The following GPC2 variants were observed in gnomAD, a reference collection of about 807,000 sequenced individuals.
The protein encoded by GPC2 is glypican-2.
In GPC2, 42 loss-of-function variants were observed where a neutral mutation model predicts 57.3. That is an observed-to-expected ratio of 0.73 (90% CI 0.57 to 0.95). The LOEUF (loss-of-function observed/expected upper bound fraction) is 0.95, where lower values mean the gene tolerates loss of function less well. GPC2 is among the 40% of genes least tolerant of loss of function. The probability of loss-of-function intolerance (pLI) is 0.00; values close to 1 mark genes in which losing one functional copy is unlikely to be tolerated. For synonymous variants in GPC2, 364 were observed against 343.4 expected (o/e 1.06, Z -0.66); for missense variants, 745 against 793.6 (o/e 0.94, Z 0.74).
In GPC2 at chr7:100,171,317, G is replaced by A; in HGVS notation, c.1430C>T (p.Ala477Val). 4 of 1,543,474 alleles carry A rather than the reference G, an allele frequency of 2.6e-6. No individual in the cohort carries two copies. The highest frequency in any genetic ancestry group is 3.5e-6 in the Non-Finnish European group (4 of 1,143,836). Reference sequence around the variant, plus strand: ...TGCGGCCGTTTTCATTCTGGCCGTGGCCGCCCGGAGCTGTAGCCGACGCCG... The same window carrying A: ...TGCGGCCGTTTTCATTCTGGCCGTGACCGCCCGGAGCTGTAGCCGACGCCG... ...TRRRRLQLRAATARMKTAALG... is the reference protein window; with the variant it reads ...TRRRRLQLRAVTARMKTAALG... The change falls in exon 9 of 10, where the codon GCC becomes GTC. Residue 477 changes from alanine to valine, a missense_variant. This residue lies in a region of GPC2 where 607 missense variants were observed against 603.9 expected (regional missense o/e 1.01). Transcript: ENST00000292377. This position sits in a 1 kb window ranked among gnomAD's most constrained non-coding sequence, Gnocchi z 4.8.
rs1328203209 is a variant in GPC2 at position 100,171,878 on chromosome 7, A to G, written c.1071T>C (p.Arg357=). 3 of 1,527,974 alleles carry G rather than the reference A, an allele frequency of 2.0e-6. No homozygotes were observed. Among genetic ancestry groups the G allele is most frequent in the Non-Finnish European group, 1.7e-6 (2 of 1,144,796 alleles). 94.7% of individuals were successfully genotyped at this position (1,527,974 alleles called of 1,614,324 possible). A position where few individuals can be genotyped will look rare whatever the true frequency, so the allele number is the denominator to read the frequency against. ...CCTCTTCCCGGGGCGGCGGGGCTCG[A>G]CGGTTGCGGGCAGGCACCGGGTCGG... ...GPPDPVPARN[R]RAPPPREEAG... Residue 357 remains arginine, a synonymous_variant, in exon 7 of 10, where the codon CGT becomes CGC. Transcript: ENST00000292377. This position sits in a 1 kb window ranked among gnomAD's most constrained non-coding sequence, Gnocchi z 4.8.
Position 100,170,423 on chromosome 7 carries a change from G to T in GPC2, c.1547C>A (p.Ala516Asp), listed in dbSNP as rs764726084. Residue 516 changes from alanine to aspartate, a missense_variant, in exon 10 of 10, where the codon GCT becomes GAT. Transcript: ENST00000292377. The part of the protein sequence containing the change: ...QQYADDWMAG[A>D]VAPPARPPRP... ...AGGAGGCCGGGCTGGGGGAGCCACAGCCCCAGCCATCCAGTCATCTGCATA... is the reference window on the plus strand; with the variant it reads ...AGGAGGCCGGGCTGGGGGAGCCACATCCCCAGCCATCCAGTCATCTGCATA... 6.2e-7 allele frequency: 1 copy of T among 1,608,186 alleles called. No individual in the cohort carries two copies. Among genetic ancestry groups the T allele is most frequent in the Non-Finnish European group, 8.5e-7 (1 of 1,176,810 alleles).
rs746323875 is a variant in GPC2 at position 100,171,824 on chromosome 7, C to T, written c.1125G>A (p.Glu375=). 1.3e-5 allele frequency: 21 copies of T among 1,574,646 alleles called. No homozygotes were observed. Among genetic ancestry groups the T allele is most frequent in the Non-Finnish European group, 1.7e-5 (20 of 1,168,784 alleles). Residue 375 remains glutamate (E), a synonymous_variant, in exon 7 of 10, where the codon GAG becomes GAA. Coordinates refer to ENST00000292377, the MANE Select transcript of GPC2 (RefSeq NM_152742.3). This position sits in a 1 kb window ranked among gnomAD's most constrained non-coding sequence, Gnocchi z 4.8. ...CTGCGGCCGTCGTGGGCCGCTCCTC[C>T]TCGGTCACCATCGACCACAGCCGGC... The part of the protein sequence containing the change: ...EAGRLWSMVT[E]EERPTTAAGT...
Position 100,171,741 on chromosome 7 carries a change from GGGC to G in GPC2, c.1170+35_1170+37del. On this transcript the variant is annotated intron_variant, in intron 7 of 9. Transcript: ENST00000292377. The surrounding 1 kb of genome is among the most constrained non-coding windows in gnomAD (Gnocchi z 4.8). ...GACCCCCACAACCATCCCCGGCCCC[GGGC>G]CCCCCCGCCCCCAACTCTTGGTCAT... 1 of 1,007,894 alleles carries G rather than the reference GGGC, an allele frequency of 9.9e-7. No homozygotes were observed. Among genetic ancestry groups the G allele is most frequent in the Non-Finnish European group, 1.4e-6 (1 of 696,704 alleles). The allele number at this position is 1,007,894 out of a possible 1,614,324, so 62.4% of individuals were successfully genotyped here.
chr7:100,172,818 C>G (rs1461507705), intron 5 of GPC2, among the ~76,000 whole-genome samples: 2 of 142,660 alleles, frequency 1.4e-5, no homozygotes, highest in Admixed American at 7.1e-5. Context: ...TATATATATA[C>G]GTGTATATAT....
At position 100,171,699 on chromosome 7, in the gene GPC2, G is replaced by A. The variant is rs1471498072; in HGVS notation, c.1171-21C>T. On this transcript the variant is annotated intron_variant, in intron 7 of 9. Transcript: ENST00000292377. This position sits in a 1 kb window ranked among gnomAD's most constrained non-coding sequence, Gnocchi z 4.8. Reference sequence around the variant, plus strand: ...CACACCTGGGCGGGCGAGAGGGGGCGGGGCGAGCTGGAGCGCGACCCCCAC... The same window carrying A: ...CACACCTGGGCGGGCGAGAGGGGGCAGGGCGAGCTGGAGCGCGACCCCCAC... 1 of 1,477,834 alleles carries A rather than the reference G, an allele frequency of 6.8e-7. No homozygotes were observed. Among genetic ancestry groups the A allele is most frequent in the Non-Finnish European group, 8.9e-7 (1 of 1,124,380 alleles). 91.5% of individuals were successfully genotyped at this position (1,477,834 alleles called of 1,614,324 possible). A position where few individuals can be genotyped will look rare whatever the true frequency, so the allele number is the denominator to read the frequency against.
chr7:100,176,148 TG>T, intron 2 of GPC2, 58 bp downstream of exon 2: 1 of 1,488,302 alleles, frequency 6.7e-7, no homozygotes, highest in Non-Finnish European at 9.1e-7. Context: ...GGAGCCTTGC[TG>T]GGGTCCTAAG....
chr7:100,173,492 G>T, intron 5 of GPC2: 1 of 172,146 alleles, frequency 5.8e-6, no homozygotes, highest in Non-Finnish European at 1.2e-5. Context: ...TGCCCAGGCT[G>T]GCCTCCAACT....
Position 100,177,096 on chromosome 7 carries a change from G to T in GPC2, c.104C>A (p.Thr35Asn). 1 of 1,613,214 alleles carries T rather than the reference G, an allele frequency of 6.2e-7. No homozygotes were observed. Among genetic ancestry groups the T allele is most frequent in the South Asian group, 1.1e-5 (1 of 90,906 alleles). The change falls in exon 1 of 10, where the codon ACC (threonine) becomes AAC (asparagine). Residue 35 changes from threonine (T) to asparagine (N), a missense_variant. By Grantham distance (65) the Thr-to-Asn change is moderately conservative (BLOSUM62 0). Coordinates refer to ENST00000292377, the MANE Select transcript of GPC2 (RefSeq NM_152742.3). The stretch of plus-strand genomic sequence containing the variant: ...TCCCCGGGCCCCCAGCACCTGCCGG[G>T]TCTCTGCACAACTCCGGGTGACCTT... Reference protein sequence around the residue: ...EAKVTRSCAETRQVLGARGYS... With the variant: ...EAKVTRSCAENRQVLGARGYS...
chr7:100,175,806 G>A lies in GPC2; in HGVS notation c.414C>T (p.Ala138=), dbSNP rs758721805. The change falls in exon 3 of 10, where the codon GCC becomes GCT. Residue 138 remains alanine, a synonymous_variant. Transcript: ENST00000292377. ...GAGAGAACAGGCCATTGAATATGAG[G>A]GCGTGCTGGGCATACAGGCGGCCGT... ...HSYGRLYAQH[A]LIFNGLFSRL... is the part of the protein sequence containing the mutation. 1.9e-6 allele frequency: 3 copies of A among 1,595,428 alleles called. No individual in the cohort carries two copies. Among genetic ancestry groups the A allele is most frequent in the Non-Finnish European group, 2.6e-6 (3 of 1,163,652 alleles).
chr7:100,170,152 C>T lies in GPC2; in HGVS notation c.*78G>A, dbSNP rs552804498. Reference sequence around the variant, plus strand: ...CTACCCTCTCTGCAGCCCCCTTCGACTCCTCCCCAGGCCCAGCTGAGGGGG... The same window carrying T: ...CTACCCTCTCTGCAGCCCCCTTCGATTCCTCCCCAGGCCCAGCTGAGGGGG... On this transcript the variant is annotated 3_prime_UTR_variant, in exon 10 of 10. Transcript: ENST00000292377. The T allele has an allele frequency of 1.3e-5, 18 of 1,434,438 alleles. No individual in the cohort carries two copies. Among genetic ancestry groups the T allele is most frequent in the South Asian group, 7.2e-5 (5 of 69,122 alleles). The allele number at this position is 1,434,438 out of a possible 1,614,324, so 88.9% of individuals were successfully genotyped here.
chr7:100,173,890 C>T lies in GPC2; in HGVS notation c.837G>A (p.Val279=). Residue 279 remains valine (V), a synonymous_variant, in exon 5 of 10, where the codon GTG becomes GTA. Coordinates refer to ENST00000292377, the MANE Select transcript of GPC2 (RefSeq NM_152742.3). ...LMPCQGFCLN[V]VRGCLSSRGL... ...CCCTGCTGCTGAGACAGCCACGAAC[C>T]ACGTTGAGGCAGAAGCCCTGGCAGG... 1.2e-6 allele frequency: 2 copies of T among 1,603,918 alleles called. No homozygotes were observed. Among genetic ancestry groups the T allele is most frequent in the Non-Finnish European group, 1.7e-6 (2 of 1,175,362 alleles).
intron 4 of GPC2, 88 bp from the exon 5 acceptor site, chr7:100,174,085 T>G: frequency 8.3e-7 from 1 of 1,203,836 alleles, no homozygotes; most frequent in Non-Finnish European, 1.1e-6. Context: ...AGAAATCACA[T>G]ACCCCACCCT....
chr7:100,175,468 C>G, intron 3 of GPC2, 104 bp downstream of exon 3: 1 of 860,942 alleles, frequency 1.2e-6, no homozygotes, highest in South Asian at 1.7e-5. Context: ...GGGGGATCAC[C>G]AGGTCAGAGG....
intron 3 of GPC2, 36 bp from the exon 4 acceptor site, chr7:100,174,801 G>C: frequency 6.7e-7 from 1 of 1,502,426 alleles, no homozygotes; most frequent in Non-Finnish European, 9.3e-7. Flanking sequence ...AAAACCACAA[G>C]GTTGTTATGG....
chr7:100,172,599 G>A (rs1269920299), intron 5 of GPC2, among the ~76,000 whole-genome samples: 1 of 146,332 alleles, frequency 6.8e-6, no homozygotes, highest in Non-Finnish European at 1.5e-5. Context: ...CGGAGTAGCT[G>A]AGACTACAGG....
chr7:100,171,358 G>A lies in GPC2; in HGVS notation c.1389C>T (p.Pro463=). The change falls in exon 9 of 10, where the codon CCC becomes CCT. Residue 463 remains proline (P), a synonymous_variant. Coordinates refer to ENST00000292377, the MANE Select transcript of GPC2 (RefSeq NM_152742.3). The surrounding 1 kb of genome is among the most constrained non-coding windows in gnomAD (Gnocchi z 4.8). The stretch of plus-strand genomic sequence containing the variant: ...GCCGACGCCGCCGTGTCGGGACATC[G>A]GGGCCCGAGGCGTCCACCTTGAGCT... ...NPELKVDASG[P]DVPTRRRRLQ... 2 of 1,543,734 alleles carry A rather than the reference G, an allele frequency of 1.3e-6. No homozygotes were observed. The highest frequency in any genetic ancestry group is 1.7e-6 in the Non-Finnish European group (2 of 1,145,464).
Position 100,176,191 on chromosome 7 carries a change from G to A in GPC2, c.325+16C>T, listed in dbSNP as rs1799275315. On this transcript the variant is annotated intron_variant, in intron 2 of 9. Coordinates refer to ENST00000292377, the MANE Select transcript of GPC2 (RefSeq NM_152742.3). ...GAGGAGCTGTGAAGCTGAGTTTGGG[G>A]ACCCCAGGTCCTCACCATCAAATTT... 5 of 1,588,052 alleles carry A rather than the reference G, an allele frequency of 3.1e-6. No homozygotes were observed. The highest frequency in any genetic ancestry group is 3.4e-6 in the Non-Finnish European group (4 of 1,165,986).
chr7:100,173,804 C>G, intron 5 of GPC2, 31 bp downstream of exon 5: 1 of 1,491,650 alleles, frequency 6.7e-7, no homozygotes, highest in Non-Finnish European at 9.0e-7. Context: ...AGCCACCATG[C>G]CTGGCTCCAG....
Sources: gnomAD v4.1 joint callset for allele counts (sites outside exome capture counted in the v4.1 genomes callset) on GRCh38, gnomAD v4.1.1 for gene constraint, gnomAD v4.1.1 regional missense constraint, Gnocchi (gnomAD v3.1) non-coding constraint, MANE v1.5 for transcripts, NCBI Gene and HGNC (gene_info 2026-07-23, HGNC 2026-07-21) for gene names.